AIM2: variants seen among roughly 807,000 people sequenced by gnomAD.
The protein encoded by AIM2 is interferon-inducible protein AIM2.
In AIM2, 30 loss-of-function variants were observed where a neutral mutation model predicts 27.7. The ratio of observed to expected loss-of-function variants is 1.08; its 90% confidence interval spans 0.81 to 1.47. The LOEUF (loss-of-function observed/expected upper bound fraction) is 1.47, where lower values mean the gene tolerates loss of function less well. Among genes scored for constraint, AIM2 ranks in the 40% most tolerant of loss-of-function variants. The pLI, the probability that AIM2 is intolerant of heterozygous loss-of-function variation, is 0.00. For missense variants in AIM2, 358 were observed against 411.3 expected, an observed-to-expected ratio of 0.87 and a Z score of 1.12; for synonymous variants, 141 against 145.3, an observed-to-expected ratio of 0.97 and a Z score of 0.21.
At chr1:159,115,529 G>A (rs545182900) in intron 1 of AIM2, among the ~76,000 whole-genome samples, 20 of 152,110 alleles carry the variant, frequency 1.3e-4, no homozygotes, top group African/African-American at 3.1e-4. Flanking sequence ...GAATAATGCC[G>A]CATATCCACA....
chr1:159,097,441 T>C (rs948821179), intron 1 of AIM2, among the ~76,000 whole-genome samples: 8 of 152,080 alleles, frequency 5.3e-5, no homozygotes, highest in South Asian at 2.1e-4. Context: ...ATATTATCTT[T>C]AGGAAACTTT....
intron 1 of AIM2, among the ~76,000 whole-genome samples, chr1:159,103,936 G>A (rs929118360): frequency 6.6e-6 from 1 of 151,870 alleles, no homozygotes; most frequent in African/African-American, 2.4e-5. Context: ...TAAGTAATGG[G>A]GTTTGGCATA....
downstream of AIM2, among the ~76,000 whole-genome samples, chr1:159,060,290 CTT>C (rs1655790485): frequency 6.6e-6 from 1 of 152,112 alleles, no homozygotes; most frequent in Non-Finnish European, 1.5e-5. Flanking sequence ...CTGTGAGTCT[CTT>C]TAAAGTTTCA....
intron 2 of AIM2, among the ~76,000 whole-genome samples, chr1:159,072,423 C>G (rs1284465418): frequency 6.6e-6 from 1 of 152,192 alleles, no homozygotes; most frequent in Non-Finnish European, 1.5e-5. Context: ...TACTGTTGTA[C>G]TTTGAATCCT....
chr1:159,142,425 T>C (rs1297374296), upstream of AIM2, among the ~76,000 whole-genome samples: 4 of 152,008 alleles, frequency 2.6e-5, no homozygotes, highest in African/African-American at 7.3e-5. Flanking sequence ...GTATGAGAGA[T>C]AGAGGGAGGA....
chr1:159,067,544 A>G (rs111995047), intron 3 of AIM2, among the ~76,000 whole-genome samples: 3 of 152,310 alleles, frequency 2.0e-5, no homozygotes, highest in African/African-American at 7.2e-5. Flanking sequence ...GGATCAATGC[A>G]GGGAAAGGTC....
chr1:159,059,566 AGAT>A (rs771163923), downstream of AIM2, among the ~76,000 whole-genome samples: 11 of 152,338 alleles, frequency 7.2e-5, no homozygotes, highest in East Asian at 1.5e-3. Flanking sequence ...TTTTATACAC[AGAT>A]GATGTTTGTA....
At chr1:159,136,901 C>T (rs1052865459) in intron 1 of AIM2, among the ~76,000 whole-genome samples, 7 of 152,146 alleles carry the variant, frequency 4.6e-5, no homozygotes, top group African/African-American at 1.7e-4. Context: ...TGTTACAAAA[C>T]CCTCCACCTC....
chr1:159,057,530 C>T (rs1042117314), downstream of AIM2, among the ~76,000 whole-genome samples: 22 of 152,196 alleles, frequency 1.4e-4, no homozygotes, highest in African/African-American at 5.1e-4. Flanking sequence ...TTATTCCCAT[C>T]ACCTGGCAGG....
chr1:159,134,018 C>T (rs1473487613), intron 1 of AIM2, among the ~76,000 whole-genome samples: 2 of 152,174 alleles, frequency 1.3e-5, no homozygotes. Flanking sequence ...AAACTGAACT[C>T]ACCATTTTCT....
At chr1:159,095,533 C>T (rs114787517) in intron 1 of AIM2, among the ~76,000 whole-genome samples, 2 of 152,292 alleles carry the variant, frequency 1.3e-5, no homozygotes, top group East Asian at 3.9e-4. Context: ...TCCCCAGCTA[C>T]GTGCTCAAGA....
chr1:159,093,735 G>C (rs1253887227), intron 1 of AIM2, among the ~76,000 whole-genome samples: 4 of 128,724 alleles, frequency 3.1e-5, no homozygotes, highest in East Asian at 4.1e-4. Flanking sequence ...TATATATACA[G>C]AGAGAGAGAG....
chr1:159,083,346 T>C lies in AIM2; in HGVS notation c.-15-17017A>G, dbSNP rs79765737. Among the ~76,000 whole-genome samples the C allele has an allele frequency of 9.4e-3, 1,427 of 152,256 alleles. 18 individuals are homozygous for C. The highest frequency in any genetic ancestry group is 0.032 in the African/African-American group (1,345 of 41,558). On this transcript the variant is annotated intron_variant, in intron 1 of 2. Transcript: ENST00000368129. ...TCTATTGCAGCAAATCAATAGATAA[T>C]GGAGTGGCTAAAATTGAAAACTAGG...
In AIM2 at chr1:159,134,854, G is replaced by T. The variant is rs538204194; in HGVS notation, c.-16+5577C>A. On this transcript the variant is annotated intron_variant, in intron 1 of 2. Coordinates refer to the AIM2 transcript ENST00000368129. ...TGAAAAAAAGAAAGAAAGAAAAAAA[G>T]CCCTTCATGCACGGCATTCTCCCTC... Among the ~76,000 whole-genome samples, 3 of 152,134 alleles carry T rather than the reference G, an allele frequency of 2.0e-5. No individual in the cohort carries two copies. In the South Asian group the frequency reaches 6.2e-4, roughly 32 times the overall value.
chr1:159,086,619 T>A (rs561508724), intron 1 of AIM2, among the ~76,000 whole-genome samples: 1 of 152,330 alleles, frequency 6.6e-6, no homozygotes, highest in South Asian at 2.1e-4. Flanking sequence ...GTGCTCCTGT[T>A]GTTTATTTTC....
chr1:159,115,152 A>C (rs1009919236), intron 1 of AIM2, among the ~76,000 whole-genome samples: 1 of 152,166 alleles, frequency 6.6e-6, no homozygotes, highest in Non-Finnish European at 1.5e-5. Flanking sequence ...CTTCAAGGAG[A>C]ACTACAAACC....
upstream of AIM2, among the ~76,000 whole-genome samples, chr1:159,141,620 C>T (rs1385137199): frequency 6.6e-6 from 1 of 152,094 alleles, no homozygotes; most frequent in Non-Finnish European, 1.5e-5. Context: ...CCATCTCTGC[C>T]GGGACTCGAA....
chr1:159,112,930 C>T (rs12069016), intron 1 of AIM2, among the ~76,000 whole-genome samples: 1 of 130,348 alleles, frequency 7.7e-6, no homozygotes, highest in Non-Finnish European at 1.5e-5. Context: ...CTAATATATA[C>T]ATACATATAT....
intron 1 of AIM2, among the ~76,000 whole-genome samples, chr1:159,110,854 A>C (rs1446513755): frequency 6.6e-6 from 1 of 152,186 alleles, no homozygotes; most frequent in African/African-American, 2.4e-5. Context: ...TCTTTTGTAC[A>C]TAGGTTCAGA....
Sources: allele counts gnomAD v4.1 joint callset (sites outside exome capture counted in the v4.1 genomes callset), GRCh38; gene constraint gnomAD v4.1.1; transcripts MANE v1.5; gene names NCBI Gene and HGNC (gene_info 2026-07-23, HGNC 2026-07-21).